The following ADAM7 variants were observed in gnomAD, a reference collection of about 807,000 sequenced individuals.
ADAM7 encodes the protein ADAM metallopeptidase domain 7.
Under a neutral mutation model 102.9 loss-of-function variants are expected in ADAM7, and 97 were observed. The observed-to-expected ratio is 0.94, with a 90% CI of 0.80 to 1.12. The LOEUF (loss-of-function observed/expected upper bound fraction) is 1.12, where lower values mean the gene tolerates loss of function less well. Among genes scored for constraint, ADAM7 ranks in the 50% most tolerant of loss-of-function variants. ADAM7 has a pLI of 0.00. For synonymous variants in ADAM7, 334 were observed against 304.4 expected, an observed-to-expected ratio of 1.10 and a Z score of -1.01; for missense variants, 991 against 908.7, an observed-to-expected ratio of 1.09 and a Z score of -1.16.
At chr8:24,464,236 G>C (rs1215471938) in intron 4 of ADAM7, among the ~76,000 whole-genome samples, 1 of 152,128 alleles carries the variant, frequency 6.6e-6, no homozygotes, top group Non-Finnish European at 1.5e-5. Flanking sequence ...GTCTAGGAGA[G>C]GGTAAAGCAG....
Position 24,442,523 on chromosome 8 carries a change from C to A in ADAM7, c.103C>A (p.Leu35Ile). 1 of 1,614,112 alleles carries A rather than the reference C, an allele frequency of 6.2e-7. No individual in the cohort carries two copies. Among genetic ancestry groups the A allele is most frequent in the Non-Finnish European group, 8.5e-7 (1 of 1,180,022 alleles). Residue 35 changes from leucine (L) to isoleucine (I), a missense_variant, in exon 2 of 22, where the codon CTT (leucine) becomes ATT (isoleucine). Transcript: ENST00000175238. ...EGQQLVRPKK[L>I]PLIQKRDTGH... ...TCAACAACTGGTTCGTCCTAAAAAGCTTCCTCTGATACAGAAGCGAGATAC... is the reference window on the plus strand; with the variant it reads ...TCAACAACTGGTTCGTCCTAAAAAGATTCCTCTGATACAGAAGCGAGATAC...
At chr8:24,506,279 G>A (rs6982442) in intron 20 of ADAM7, 518,235 of 751,114 alleles carry the variant, frequency 0.69, 182,884 homozygotes, top group African/African-American at 0.75. Context: ...ATAGCTCTCT[G>A]ATCGGAGGTA....
intron 21 of ADAM7, 99 bp downstream of exon 21, chr8:24,507,634 T>C: frequency 4.2e-6 from 4 of 943,114 alleles, no homozygotes; most frequent in Non-Finnish European, 6.3e-6. Flanking sequence ...GGGGACATCC[T>C]CTGTACTTAT....
intron 16 of ADAM7, among the ~76,000 whole-genome samples, chr8:24,497,183 CT>C (rs1554544434): frequency 6.6e-6 from 1 of 152,184 alleles, no homozygotes; most frequent in Non-Finnish European, 1.5e-5. Flanking sequence ...ATGTGACTTG[CT>C]CCTCCTTGCT....
At chr8:24,497,361 T>C (rs1417932011) in intron 16 of ADAM7, among the ~76,000 whole-genome samples, 1 of 152,204 alleles carries the variant, frequency 6.6e-6, no homozygotes, top group Non-Finnish European at 1.5e-5. Context: ...ATTTTTTGAA[T>C]GAAATTTTAA....
chr8:24,501,651 A>C, intron 20 of ADAM7, 75 bp downstream of exon 20: 1 of 1,132,078 alleles, frequency 8.8e-7, no homozygotes, highest in East Asian at 2.6e-5. Context: ...TTAAAGTAGA[A>C]CCCGTCCTAA....
chr8:24,500,421 C>T (rs1056729531), intron 18 of ADAM7, among the ~76,000 whole-genome samples, 165 bp downstream of exon 18: 9 of 152,090 alleles, frequency 5.9e-5, no homozygotes, highest in African/African-American at 1.9e-4. Context: ...CTGCAATTAC[C>T]TTTTACAGCA....
chr8:24,476,632 C>G, intron 8 of ADAM7, 128 bp downstream of exon 8: 1 of 549,112 alleles, frequency 1.8e-6, no homozygotes, highest in South Asian at 5.3e-5. Flanking sequence ...GACTAATAAG[C>G]AAAAATCCAC....
intron 3 of ADAM7, among the ~76,000 whole-genome samples, chr8:24,451,752 T>C (rs1271399212): frequency 7.9e-5 from 12 of 151,188 alleles, no homozygotes; most frequent in Admixed American, 1.3e-4. Flanking sequence ...AGGGTGTCAA[T>C]TTTGGATCTT....
intron 20 of ADAM7, chr8:24,506,054 C>G: frequency 2.8e-6 from 4 of 1,435,894 alleles, no homozygotes; most frequent in Non-Finnish European, 2.9e-6. Context: ...GGTATATTTA[C>G]TAGGAATTGC....
At chr8:24,481,346 T>C (rs577384885) in intron 8 of ADAM7, among the ~76,000 whole-genome samples, 1 of 152,322 alleles carries the variant, frequency 6.6e-6, no homozygotes, top group South Asian at 2.1e-4. Flanking sequence ...TCTTATTGAC[T>C]AGTTACATTG....
intron 3 of ADAM7, among the ~76,000 whole-genome samples, chr8:24,455,136 AG>A (rs1167019533): frequency 5.9e-5 from 9 of 152,160 alleles, no homozygotes; most frequent in Non-Finnish European, 1.3e-4. Context: ...GTTCCCAAAA[AG>A]TTTACTATGA....
intron 15 of ADAM7, 132 bp from the exon 16 acceptor site, chr8:24,492,911 G>A (rs1484995109): frequency 4.6e-5 from 40 of 878,620 alleles, no homozygotes; most frequent in Non-Finnish European, 6.3e-5. Context: ...GGTTTTCTCT[G>A]CCCATTACAG....
chr8:24,500,310 A>T (rs975767051), intron 18 of ADAM7, 54 bp downstream of exon 18: 2 of 1,532,442 alleles, frequency 1.3e-6, no homozygotes, highest in African/African-American at 1.4e-5. Context: ...CCAGCGAAAA[A>T]AGTTTTTCTT....
intron 16 of ADAM7, among the ~76,000 whole-genome samples, chr8:24,496,949 G>A (rs1370066727): frequency 6.6e-6 from 1 of 152,148 alleles, no homozygotes; most frequent in African/African-American, 2.4e-5. Context: ...GATTTGGGAG[G>A]GGCCAGGGAC....
chr8:24,461,927 G>A lies in ADAM7; in HGVS notation c.234-1955G>A, dbSNP rs185362641. Among the ~76,000 whole-genome samples, 455 of 152,282 alleles carry A rather than the reference G, an allele frequency of 3.0e-3. 2 individuals carry two copies. The highest frequency in any genetic ancestry group is 0.02 in the Middle Eastern group (6 of 294). On this transcript the variant is annotated intron_variant, in intron 3 of 21. Transcript: ENST00000175238. ...TTTGCTAAGCATAGTTATAGTAGCT[G>A]CTTTAAAAGTCTTATCTGTAATTTC...
In ADAM7 at chr8:24,505,869, T is replaced by C. The variant is rs1193937343; in HGVS notation, c.2209-1611T>C. 1.1e-4 allele frequency among the ~76,000 whole-genome samples: 16 copies of C among 152,150 alleles called. 1 individual carries two copies. The highest frequency in any genetic ancestry group is 9.8e-4 in the Admixed American group (15 of 15,260). On this transcript the variant is annotated intron_variant, in intron 20 of 21. Coordinates refer to ENST00000175238, the MANE Select transcript of ADAM7 (RefSeq NM_003817.4). Reference sequence around the variant, plus strand: ...AGGGAATTTCAGGCATACAGTCAATTAGCGATAGTAAGATTTGGTGGCTAG... The same window carrying C: ...AGGGAATTTCAGGCATACAGTCAATCAGCGATAGTAAGATTTGGTGGCTAG...
intron 3 of ADAM7, among the ~76,000 whole-genome samples, chr8:24,454,386 G>A (rs112920682): frequency 0.052 from 7,764 of 150,508 alleles, 258 homozygotes; most frequent in African/African-American, 0.067. Context: ...CCTCGCTGCC[G>A]CCTTGCAGTT....
chr8:24,468,536 A>G (rs1013717769), intron 6 of ADAM7, among the ~76,000 whole-genome samples: 1 of 151,860 alleles, frequency 6.6e-6, no homozygotes, highest in African/African-American at 2.4e-5. Context: ...AAAGAAAAGA[A>G]AAAAAAGAAC....
Sources: gnomAD v4.1 joint callset for allele counts (sites outside exome capture counted in the v4.1 genomes callset) on GRCh38, gnomAD v4.1.1 for gene constraint, MANE v1.5 for transcripts, NCBI Gene and HGNC (gene_info 2026-07-23, HGNC 2026-07-21) for gene names.